The following CNTFR variants were observed in gnomAD, a reference collection of about 807,000 sequenced individuals.
CNTFR encodes the protein ciliary neurotrophic factor receptor subunit alpha.
Under a neutral mutation model 40.4 loss-of-function variants are expected in CNTFR, and 12 were observed. The ratio of observed to expected loss-of-function variants is 0.30; its 90% CI spans 0.19 to 0.48. The LOEUF is 0.48. CNTFR is among the 20% of genes least tolerant of loss of function. The pLI, the probability that CNTFR is intolerant of heterozygous loss-of-function variation, is 0.99. For synonymous variants in CNTFR, 202 were observed against 209.6 expected (o/e 0.96, Z 0.31); for missense variants, 414 against 506.8 (o/e 0.82, Z 1.76).
chr9:34,556,891 C>T (rs1198529031), intron 6 of CNTFR, among the ~76,000 whole-genome samples: 1 of 152,156 alleles, frequency 6.6e-6, no homozygotes, highest in Non-Finnish European at 1.5e-5. Flanking sequence ...AAAAGACAGT[C>T]CACAGGTGTT....
rs762668817 is a variant in CNTFR, at chr9:34,552,271, G to A, written c.1008C>T (p.Asp336=). 1.9e-6 allele frequency: 3 copies of A among 1,549,874 alleles called. No homozygotes were observed. The South Asian group carries it at 3.6e-5, about 18-fold the overall frequency. The change falls in exon 9 of 10, where the codon GAC becomes GAT. Residue 336 remains aspartate (D), a synonymous_variant. Transcript: ENST00000378980. The surrounding 1 kb of genome is among the most constrained non-coding windows in gnomAD (Gnocchi z 5.1). ...CCCCGCCGCTGCCCAGCTCCCCAGG[G>A]TCACAGATCTTCGTGGTAGGTGGGG... The part of the protein sequence containing the change: ...LAPPPTTKIC[D]PGELGSGGGP...
chr9:34,553,890 G>A (rs1825734336), intron 7 of CNTFR, among the ~76,000 whole-genome samples: 1 of 152,226 alleles, frequency 6.6e-6, no homozygotes, highest in Non-Finnish European at 1.5e-5. Flanking sequence ...CTGGCTTCAG[G>A]GCTTTTTTGG....
In CNTFR at chr9:34,551,654, G is replaced by A. The variant is rs1825627333; in HGVS notation, c.*417C>T. 3.0e-6 allele frequency: 1 copy of A among 335,938 alleles called. No homozygotes were observed. The highest frequency in any genetic ancestry group is 2.7e-5 in the South Asian group (1 of 36,528). 20.8% of individuals were successfully genotyped at this position (335,938 alleles called of 1,614,324 possible). ...GGGTGCTGGGGGGAGGGGGATGGCTGGGCCCCCCCAGCATCAGGAGCTTAT... is the reference window on the plus strand; with the variant it reads ...GGGTGCTGGGGGGAGGGGGATGGCTAGGCCCCCCCAGCATCAGGAGCTTAT... On this transcript the variant is annotated 3_prime_UTR_variant, in exon 10 of 10. Transcript: ENST00000378980.
At chr9:34,588,711 GGAGCGAGCAAGC>G (rs1827645844) in intron 1 of CNTFR, among the ~76,000 whole-genome samples, 1 of 152,194 alleles carries the variant, frequency 6.6e-6, no homozygotes, top group Non-Finnish European at 1.5e-5. Flanking sequence ...GGGGGACAAG[GGAGCGAGCAAGC>G]GAGCGAGCTA....
chr9:34,563,218 A>G (rs775901563), intron 4 of CNTFR, among the ~76,000 whole-genome samples: 10 of 152,168 alleles, frequency 6.6e-5, no homozygotes, highest in Non-Finnish European at 1.3e-4. Context: ...TGCCCATACT[A>G]TTAATACTTC....
intron 2 of CNTFR, among the ~76,000 whole-genome samples, chr9:34,579,892 GC>G (rs1158441693): frequency 1.3e-5 from 2 of 151,982 alleles, no homozygotes; most frequent in African/African-American, 4.8e-5. Context: ...CTCCTCCTTG[GC>G]CCCCACAGAA....
At chr9:34,584,446 C>A (rs1827458116) in intron 1 of CNTFR, among the ~76,000 whole-genome samples, 1 of 152,232 alleles carries the variant, frequency 6.6e-6, no homozygotes, top group Non-Finnish European at 1.5e-5. Flanking sequence ...CAAGATGCAG[C>A]CACTGCCACA....
At chr9:34,564,984 T>G (rs1394570751) in intron 3 of CNTFR, 152 bp from the exon 4 acceptor site, 1 of 663,500 alleles carries the variant, frequency 1.5e-6, no homozygotes, top group African/African-American at 1.8e-5. Flanking sequence ...ATGAAGAGTG[T>G]TCAAAGCTCC....
chr9:34,573,008 C>T (rs952983248), intron 2 of CNTFR, among the ~76,000 whole-genome samples: 3 of 152,212 alleles, frequency 2.0e-5, no homozygotes, highest in Admixed American at 1.3e-4. Context: ...ATACTGGCAG[C>T]CCTGAAGTCT....
chr9:34,555,226 ACT>A (rs1825787984), intron 7 of CNTFR, among the ~76,000 whole-genome samples: 1 of 152,134 alleles, frequency 6.6e-6, no homozygotes, highest in Non-Finnish European at 1.5e-5. Context: ...GGGACTCCGG[ACT>A]CTGTCAGGGA....
At chr9:34,580,015 G>A (rs991317779) in intron 2 of CNTFR, 46 of 152,064 alleles carry the variant, frequency 3.0e-4, no homozygotes, top group African/African-American at 1.1e-3. Context: ...TTCACTGGCA[G>A]GAAGTCCTTC....
chr9:34,552,907 T>C lies in CNTFR; in HGVS notation c.769-53A>G. On this transcript the variant is annotated intron_variant, in intron 7 of 9. Transcript: ENST00000378980. The surrounding 1 kb of genome is among the most constrained non-coding windows in gnomAD (Gnocchi z 5.1). ...AGGACACACCTGGGGGCCAGGAGGG[T>C]GAGGTCCCTCCAGAGGAAGTGAGCA... The C allele has an allele frequency of 1.3e-6, 2 of 1,570,588 alleles. No individual in the cohort carries two copies. The highest frequency in any genetic ancestry group is 1.7e-6 in the Non-Finnish European group (2 of 1,158,660).
intron 2 of CNTFR, among the ~76,000 whole-genome samples, chr9:34,572,564 C>A (rs1192127772): frequency 6.6e-6 from 1 of 152,166 alleles, no homozygotes; most frequent in Non-Finnish European, 1.5e-5. Context: ...CTTGTCAGCA[C>A]AAGGGTCCCT....
chr9:34,564,288 C>T (rs1039335397), intron 4 of CNTFR, among the ~76,000 whole-genome samples: 3 of 152,172 alleles, frequency 2.0e-5, no homozygotes, highest in Non-Finnish European at 4.4e-5. Context: ...GGGTCTCTCC[C>T]CACTCATGTC....
chr9:34,554,261 C>T (rs554231439), intron 7 of CNTFR, among the ~76,000 whole-genome samples: 4 of 152,288 alleles, frequency 2.6e-5, no homozygotes, highest in South Asian at 4.1e-4. Context: ...ACGGCTCCTT[C>T]GGCTCTGTCT....
intron 1 of CNTFR, among the ~76,000 whole-genome samples, chr9:34,585,914 A>C (rs1314752179): frequency 6.6e-6 from 1 of 152,148 alleles, no homozygotes; most frequent in Non-Finnish European, 1.5e-5. Context: ...TTTCCGATTC[A>C]TTTACACTTC....
chr9:34,566,873 T>G (rs1312916287), intron 3 of CNTFR, among the ~76,000 whole-genome samples: 1 of 151,846 alleles, frequency 6.6e-6, no homozygotes, highest in African/African-American at 2.4e-5. Context: ...ACAAAAAAAG[T>G]AGAAACGCAA....
At chr9:34,583,510 G>A (rs893420992) in intron 1 of CNTFR, among the ~76,000 whole-genome samples, 2 of 152,158 alleles carry the variant, frequency 1.3e-5, no homozygotes, top group Non-Finnish European at 2.9e-5. Flanking sequence ...ATCCCAGACA[G>A]CCCGAATCTC....
chr9:34,583,787 C>T (rs954239544), intron 1 of CNTFR, among the ~76,000 whole-genome samples: 4 of 152,110 alleles, frequency 2.6e-5, no homozygotes, highest in African/African-American at 4.8e-5. Context: ...GTGCCAAAAC[C>T]GCCTTCTCTC....
Sources: allele counts gnomAD v4.1 joint callset (sites outside exome capture counted in the v4.1 genomes callset), GRCh38; gene constraint gnomAD v4.1.1; non-coding constraint Gnocchi (gnomAD v3.1); transcripts MANE v1.5; gene names NCBI Gene and HGNC (gene_info 2026-07-23, HGNC 2026-07-21).